SH3RF2: variants seen among roughly 807,000 people sequenced by gnomAD.
SH3RF2 encodes the protein E3 ubiquitin-protein ligase SH3RF2.
Under a neutral mutation model 59.0 loss-of-function variants are expected in SH3RF2, and 43 were observed. The ratio of observed to expected loss-of-function variants is 0.73; its 90% confidence interval spans 0.57 to 0.94. The LOEUF (loss-of-function observed/expected upper bound fraction) is 0.94, where lower values mean the gene tolerates loss of function less well. Among genes scored for constraint, SH3RF2 ranks in the 40% least tolerant of loss-of-function variants. The pLI is 0.00. For missense variants in SH3RF2, 930 were observed against 940.1 expected, an observed-to-expected ratio of 0.99 and a Z score of 0.14; for synonymous variants, 391 against 391.5, an observed-to-expected ratio of 1.00 and a Z score of 0.01.
chr5:146,013,153 G>C (rs1335392946), intron 4 of SH3RF2, among the ~76,000 whole-genome samples: 1 of 152,162 alleles, frequency 6.6e-6, no homozygotes, highest in East Asian at 1.9e-4. Context: ...GTATAAACTT[G>C]AGCAACTTCA....
At chr5:146,027,705 G>A (rs1187104252) in intron 5 of SH3RF2, among the ~76,000 whole-genome samples, 3 of 152,214 alleles carry the variant, frequency 2.0e-5, no homozygotes, top group Non-Finnish European at 2.9e-5. Context: ...TGATCTTCAG[G>A]TGAAAACCTG....
At position 146,062,769 on chromosome 5, in the gene SH3RF2, A is replaced by G; in HGVS notation, c.*68A>G. On this transcript the variant is annotated 3_prime_UTR_variant, in exon 10 of 10. Transcript: ENST00000359120. ...ATTTAAATACAGTCTGCCTCCACTG[A>G]GGGCATCCTGCCATTCTTTGGGGAC... 1 of 1,540,876 alleles carries G rather than the reference A, an allele frequency of 6.5e-7. No individual in the cohort carries two copies. The highest frequency in any genetic ancestry group is 8.8e-7 in the Non-Finnish European group (1 of 1,141,192).
intron 5 of SH3RF2, among the ~76,000 whole-genome samples, chr5:146,019,939 G>T (rs2149997053): frequency 6.6e-6 from 1 of 152,232 alleles, no homozygotes; most frequent in African/African-American, 2.4e-5. Context: ...CGATGCTGCT[G>T]ATTTGTGTAC....
chr5:146,074,036 C>CTTTTTT (rs70998053), intron 9 of SH3RF2, among the ~76,000 whole-genome samples: 1,478 of 117,126 alleles, frequency 0.013, 159 homozygotes, highest in African/African-American at 0.058. Flanking sequence ...CATTAACACT[C>CTTTTTT]TTTTTTTTTT....
At position 145,987,103 on chromosome 5, in the gene SH3RF2, GA is replaced by G. The variant is rs575731134; in HGVS notation, c.379-12954del. 4.1e-4 allele frequency among the ~76,000 whole-genome samples: 62 copies of G among 152,326 alleles called. No homozygotes were observed. In the East Asian group the frequency reaches 0.011, roughly 26 times the overall value. ...CATTCTACCAAAGACTGGAAGAAGA[GA>G]GGCCAAAGCAAAAGACTGAGGGGAG... On this transcript the variant is annotated intron_variant, in intron 2 of 9. Coordinates refer to ENST00000359120, the MANE Select transcript of SH3RF2 (RefSeq NM_152550.4).
intron 5 of SH3RF2, among the ~76,000 whole-genome samples, chr5:146,024,254 A>G (rs917317846): frequency 2.6e-5 from 4 of 152,160 alleles, no homozygotes; most frequent in African/African-American, 9.7e-5. Context: ...TTTATTATCA[A>G]TCTTTTTTAT....
intron 2 of SH3RF2, among the ~76,000 whole-genome samples, chr5:145,950,713 T>G (rs1035535199): frequency 5.9e-5 from 9 of 152,116 alleles, no homozygotes; most frequent in African/African-American, 1.4e-4. Context: ...GAAGAGAGAT[T>G]TTATCTCGAA....
At chr5:146,032,386 T>C (rs1022955199) in intron 5 of SH3RF2, among the ~76,000 whole-genome samples, 5 of 152,012 alleles carry the variant, frequency 3.3e-5, no homozygotes, top group African/African-American at 1.2e-4. Flanking sequence ...GAGGATTAAA[T>C]TGGGTGGTCT....
At chr5:145,971,903 T>A (rs2149962422) in intron 2 of SH3RF2, among the ~76,000 whole-genome samples, 1 of 147,170 alleles carries the variant, frequency 6.8e-6, no homozygotes, top group East Asian at 1.9e-4. Context: ...ATGATGATGA[T>A]GATGATGGCT....
chr5:145,990,273 T>C (rs940971565), intron 2 of SH3RF2, among the ~76,000 whole-genome samples: 1 of 152,146 alleles, frequency 6.6e-6, no homozygotes, highest in Non-Finnish European at 1.5e-5. Context: ...ACCAATATAA[T>C]AGCCAACATT....
chr5:145,988,253 G>C (rs1759792283), intron 2 of SH3RF2, among the ~76,000 whole-genome samples: 1 of 151,366 alleles, frequency 6.6e-6, no homozygotes, highest in Admixed American at 6.6e-5. Flanking sequence ...CCCTCCAGAG[G>C]TCAAGCTTCT....
At position 146,049,104 on chromosome 5, in the gene SH3RF2, A is replaced by C; in HGVS notation, c.1181A>C (p.His394Pro). 2 of 1,613,940 alleles carry C rather than the reference A, an allele frequency of 1.2e-6. No homozygotes were observed. Among genetic ancestry groups the C allele is most frequent in the Non-Finnish European group, 1.7e-6 (2 of 1,179,956 alleles). The change falls in exon 7 of 10, where the codon CAT becomes CCT. Residue 394 changes from histidine (H) to proline (P), a missense_variant. By Grantham distance (77) the His-to-Pro change is moderately conservative (BLOSUM62 -2). Transcript: ENST00000359120. ...MFVALHSYSA[H>P]GPDELDLQKG... ...GTAGCCCTGCACTCCTACTCAGCCC[A>C]TGGACCCGATGAGCTGGACCTGCAA... is the stretch of plus-strand genomic sequence containing the variant.
chr5:145,999,733 C>T (rs1266635252), intron 2 of SH3RF2, among the ~76,000 whole-genome samples: 1 of 86,614 alleles, frequency 1.2e-5, no homozygotes, highest in Non-Finnish European at 2.5e-5. Flanking sequence ...GTTTGTGGCG[C>T]CCCCCGAGAC....
chr5:145,951,714 G>C (rs1758200076), intron 2 of SH3RF2, among the ~76,000 whole-genome samples: 1 of 152,168 alleles, frequency 6.6e-6, no homozygotes, highest in South Asian at 2.1e-4. Context: ...AAACACATCT[G>C]CCCACTCTTC....
intron 7 of SH3RF2, among the ~76,000 whole-genome samples, chr5:146,050,446 C>CT (rs1242363572): frequency 6.6e-6 from 1 of 152,134 alleles, no homozygotes; most frequent in African/African-American, 2.4e-5. Context: ...CCTCATAGAT[C>CT]TAAAGTTGTA....
intron 7 of SH3RF2, chr5:146,055,738 G>A (rs894668406): frequency 3.6e-6 from 2 of 556,480 alleles, no homozygotes; most frequent in Non-Finnish European, 6.4e-6. Flanking sequence ...GCTCCACCAA[G>A]GCCTTGATAT....
chr5:145,962,956 G>A (rs548744907), intron 2 of SH3RF2, among the ~76,000 whole-genome samples: 6 of 146,476 alleles, frequency 4.1e-5, no homozygotes, highest in Admixed American at 2.7e-4. Context: ...GGAGTGCAGT[G>A]GCGCAATCTT....
At position 146,047,761 on chromosome 5, in the gene SH3RF2, T is replaced by C; in HGVS notation, c.1060-11T>C. Reference sequence around the variant, plus strand: ...ATTGGTTCTGCTTGGCTGTCTTTTCTGTCTGTGCAGGTCAGCACTTATCAC... The same window carrying C: ...ATTGGTTCTGCTTGGCTGTCTTTTCCGTCTGTGCAGGTCAGCACTTATCAC... On this transcript the variant is annotated splice_polypyrimidine_tract_variant and intron_variant, in intron 5 of 9. Transcript: ENST00000359120. The C allele has an allele frequency of 6.2e-7, 1 of 1,613,842 alleles. No homozygotes were observed. The highest frequency in any genetic ancestry group is 1.7e-5 in the Admixed American group (1 of 60,002).
At chr5:146,053,821 G>A (rs1331284066) in intron 7 of SH3RF2, among the ~76,000 whole-genome samples, 1 of 152,182 alleles carries the variant, frequency 6.6e-6, no homozygotes, top group Non-Finnish European at 1.5e-5. Context: ...CCACTCATTT[G>A]CCTTTAACTC....
Sources: gnomAD v4.1 joint callset for allele counts (sites outside exome capture counted in the v4.1 genomes callset) on GRCh38, gnomAD v4.1.1 for gene constraint, MANE v1.5 for transcripts, NCBI Gene and HGNC (gene_info 2026-07-23, HGNC 2026-07-21) for gene names.